Variants in SMC1B observed in about 807,000 individuals in gnomAD.
SMC1B encodes the protein structural maintenance of chromosomes protein 1B.
In SMC1B, 60 loss-of-function variants were observed where a neutral mutation model predicts 157.9. The ratio of observed to expected loss-of-function variants is 0.38; its 90% confidence interval spans 0.31 to 0.47. The LOEUF (loss-of-function observed/expected upper bound fraction) is 0.47. Among genes scored for constraint, SMC1B ranks in the 20% least tolerant of loss-of-function variants. SMC1B has a pLI of 0.99. For missense variants in SMC1B, 1,165 were observed against 1,426.2 expected, an observed-to-expected ratio of 0.82 and a Z score of 2.95; for synonymous variants, 445 against 483.0, an observed-to-expected ratio of 0.92 and a Z score of 1.03.
chr22:45,401,538 T>C (rs1255756848), intron 5 of SMC1B, among the ~76,000 whole-genome samples: 1 of 152,204 alleles, frequency 6.6e-6, no homozygotes, highest in African/African-American at 2.4e-5. Context: ...AATAAAAAAT[T>C]AGGGTGGGAT....
At chr22:45,401,861 C>T (rs1470642928) in intron 5 of SMC1B, among the ~76,000 whole-genome samples, 1 of 143,558 alleles carries the variant, frequency 7.0e-6, no homozygotes, top group Non-Finnish European at 1.5e-5. Flanking sequence ...ACCCCAAACA[C>T]CACCACTTCA....
In SMC1B at chr22:45,344,601, G is replaced by T; in HGVS notation, c.3663C>A (p.Asp1221Glu). ...TCTTGCTGCTTTCTTGGCCTTCAGT[G>T]TCTGGATACTGAGAAAGATCTAGGG... Reference protein sequence around the residue: ...VLTLDLSQYPDTEGQESSKRH... With the variant: ...VLTLDLSQYPETEGQESSKRH... The change falls in exon 25 of 25, where the codon GAC (aspartate) becomes GAA (glutamate). Residue 1221 changes from aspartate (D) to glutamate (E), a missense_variant. Transcript: ENST00000357450. 1 of 1,614,148 alleles carries T rather than the reference G, an allele frequency of 6.2e-7. No homozygotes were observed. The highest frequency in any genetic ancestry group is 8.5e-7 in the Non-Finnish European group (1 of 1,179,966).
chr22:45,409,734 C>T (rs2087309752), intron 1 of SMC1B, among the ~76,000 whole-genome samples: 1 of 152,148 alleles, frequency 6.6e-6, no homozygotes, highest in Non-Finnish European at 1.5e-5. Flanking sequence ...GAAAGTCCTA[C>T]TTACAAGGTT....
At chr22:45,371,365 C>G in intron 14 of SMC1B, 106 bp downstream of exon 14, 1 of 1,377,754 alleles carries the variant, frequency 7.3e-7, no homozygotes, top group Non-Finnish European at 9.4e-7. Flanking sequence ...TGACAGGGCA[C>G]TGTTACCTAT....
chr22:45,358,205 A>G (rs1165589189), intron 19 of SMC1B, among the ~76,000 whole-genome samples: 1 of 152,178 alleles, frequency 6.6e-6, no homozygotes, highest in Non-Finnish European at 1.5e-5. Context: ...TGGCTGTTCC[A>G]TGAGTTGTAG....
chr22:45,390,864 G>T (rs913825252), intron 9 of SMC1B, among the ~76,000 whole-genome samples: 1 of 152,144 alleles, frequency 6.6e-6, no homozygotes, highest in Non-Finnish European at 1.5e-5. Context: ...AATATTTGAA[G>T]GTTTAATTTT....
rs773753613 is a variant in SMC1B, at chr22:45,353,996, G to A, written c.3255C>T (p.Cys1085=). 1.8e-5 allele frequency: 28 copies of A among 1,586,138 alleles called. No individual in the cohort carries two copies. Among genetic ancestry groups the A allele is most frequent in the Non-Finnish European group, 2.4e-5 (28 of 1,169,016 alleles). Residue 1085 remains cysteine, a synonymous_variant, in exon 21 of 25, where the codon TGC becomes TGT. Coordinates refer to ENST00000357450, the MANE Select transcript of SMC1B (RefSeq NM_148674.5). ...TACATACTTGGGCGCTGTTGTTTCT[G>A]CAGAGCTTCTTGTAGATTTGATCAA... The part of the protein sequence containing the change: ...ISIDQIYKKL[C]RNNSAQAFLS...
intron 1 of SMC1B, 56 bp from the exon 2 acceptor site, chr22:45,408,954 C>T (rs1399806031): frequency 3.5e-6 from 4 of 1,127,890 alleles, no homozygotes; most frequent in Non-Finnish European, 3.7e-6. Flanking sequence ...AAGCCCTACC[C>T]AGAGCTGAAG....
intron 10 of SMC1B, 66 bp downstream of exon 10, chr22:45,389,646 A>G (rs899537709): frequency 3.3e-5 from 47 of 1,425,816 alleles, no homozygotes; most frequent in Admixed American, 4.1e-5. Context: ...GTTTTAGGCA[A>G]TAAGATCATT....
rs747292131 is a variant in SMC1B, at chr22:45,383,584, T to A, written c.1941A>T (p.Leu647Phe). The A allele has an allele frequency of 3.1e-6, 5 of 1,599,300 alleles. No homozygotes were observed. Among genetic ancestry groups the A allele is most frequent in the African/African-American group, 1.4e-5 (1 of 73,876 alleles). Residue 647 changes from leucine (L) to phenylalanine (F), a missense_variant, in exon 12 of 25, where the codon TTA (leucine) becomes TTT (phenylalanine). By Grantham distance (22) the Leu-to-Phe change is conservative. Transcript: ENST00000357450. ...KTVALDGTLF[L>F]KSGVISGGSS... ...ACCCTCCAGAGATCACTCCAGATTT[T>A]AAAAATAATGTTCCATCAAGAGCTA...
At chr22:45,354,321 G>GTA (rs995651218) in intron 20 of SMC1B, among the ~76,000 whole-genome samples, 189 bp from the exon 21 acceptor site, 42 of 152,230 alleles carry the variant, frequency 2.8e-4, no homozygotes, top group African/African-American at 1.0e-3. Context: ...CTCTTTTCTA[G>GTA]TAGGGCTAAT....
chr22:45,383,312 G>A (rs1399833573), intron 12 of SMC1B, among the ~76,000 whole-genome samples, 155 bp downstream of exon 12: 1 of 152,166 alleles, frequency 6.6e-6, no homozygotes, highest in Non-Finnish European at 1.5e-5. Context: ...AAGGAAGAGA[G>A]TAAGGGAAAG....
intron 9 of SMC1B, among the ~76,000 whole-genome samples, chr22:45,391,092 C>A (rs1456804164): frequency 6.8e-6 from 1 of 147,288 alleles, no homozygotes; most frequent in Non-Finnish European, 1.5e-5. Flanking sequence ...GAGATGAGGT[C>A]TTGCTATGTT....
At chr22:45,354,386 G>A (rs1252251147) in intron 20 of SMC1B, among the ~76,000 whole-genome samples, 2 of 151,908 alleles carry the variant, frequency 1.3e-5, no homozygotes, top group African/African-American at 4.8e-5. Context: ...ATGTATGTAA[G>A]TATGTATGTA....
At chr22:45,375,211 C>T (rs136579) in intron 12 of SMC1B, among the ~76,000 whole-genome samples, 2 of 152,108 alleles carry the variant, frequency 1.3e-5, no homozygotes, top group Admixed American at 6.6e-5. Context: ...CCATTTGTCT[C>T]TTATCTACCT....
At chr22:45,345,719 G>T (rs572945287) in intron 23 of SMC1B, 150 bp from the exon 24 acceptor site, 107 of 575,848 alleles carry the variant, frequency 1.9e-4, no homozygotes, top group Admixed American at 3.2e-4. Context: ...CTCAACAACT[G>T]CAGAAATGGA....
intron 17 of SMC1B, among the ~76,000 whole-genome samples, chr22:45,361,089 T>C (rs181876691): frequency 6.6e-6 from 1 of 152,048 alleles, no homozygotes; most frequent in Non-Finnish European, 1.5e-5. Flanking sequence ...TTCTGTGAGG[T>C]AGGCACTATT....
rs557825044 is a variant in SMC1B at position 45,411,902 on chromosome 22, A to G, written c.109+1557T>C. Among the ~76,000 whole-genome samples, 51 of 145,764 alleles carry G rather than the reference A, an allele frequency of 3.5e-4. 1 individual carries two copies. Among genetic ancestry groups the G allele is most frequent in the Middle Eastern group, 3.8e-3 (1 of 264 alleles). ...TCAGGCCTTATTTTTTTGTTGAGAC[A>G]GAGTCTTGCTCTGTCGCCCAGGCTG... On this transcript the variant is annotated intron_variant, in intron 1 of 24. Transcript: ENST00000357450.
At chr22:45,399,605 C>T (rs1244122065) in intron 5 of SMC1B, among the ~76,000 whole-genome samples, 1 of 152,124 alleles carries the variant, frequency 6.6e-6, no homozygotes, top group African/African-American at 2.4e-5. Context: ...ACCTGTATTA[C>T]TTTACAGCAC....
Sources: gnomAD v4.1 joint callset for allele counts (sites outside exome capture counted in the v4.1 genomes callset) on GRCh38, gnomAD v4.1.1 for gene constraint, MANE v1.5 for transcripts, NCBI Gene and HGNC (gene_info 2026-07-23, HGNC 2026-07-21) for gene names.